The following WWOX variants were observed in gnomAD, a reference collection of about 807,000 sequenced individuals.
WWOX encodes the protein WW domain-containing oxidoreductase.
Under a neutral mutation model 46.2 loss-of-function variants are expected in WWOX, and 69 were observed. The observed-to-expected ratio is 1.49, with a 90% CI of 1.23 to 1.82. WWOX has a LOEUF of 1.82. WWOX is among the 40% of genes most tolerant of loss of function. The pLI, the probability that WWOX is intolerant of heterozygous loss-of-function variation, is 0.00. For missense variants in WWOX, 919 were observed against 542.6 expected (o/e 1.69, Z -6.89); for synonymous variants, 359 against 202.6 (o/e 1.77, Z -6.56).
intron 8 of WWOX, among the ~76,000 whole-genome samples, chr16:78,821,837 A>G (rs1274418556): frequency 6.6e-6 from 1 of 152,154 alleles, no homozygotes; most frequent in African/African-American, 2.4e-5. Context: ...TCTGAGTCCA[A>G]AGCTAACAAT....
At chr16:79,067,319 C>T (rs980621215) in intron 8 of WWOX, among the ~76,000 whole-genome samples, 11 of 152,182 alleles carry the variant, frequency 7.2e-5, no homozygotes, top group Admixed American at 6.5e-4. Context: ...TGACTTGAGT[C>T]CCTGTTCCTC....
At chr16:78,536,475 C>G (rs936119825) in intron 8 of WWOX, among the ~76,000 whole-genome samples, 51 of 152,044 alleles carry the variant, frequency 3.4e-4, no homozygotes, top group African/African-American at 1.2e-3. Context: ...TGGGTTCTCT[C>G]TGCTTTAGGT....
At chr16:78,940,496 T>C (rs1022068882) in intron 8 of WWOX, among the ~76,000 whole-genome samples, 20 of 152,178 alleles carry the variant, frequency 1.3e-4, no homozygotes, top group African/African-American at 4.8e-4. Context: ...TTAGGAGTTC[T>C]TTCGAAGTCA....
chr16:78,615,449 G>C (rs749727070), intron 8 of WWOX, among the ~76,000 whole-genome samples: 19 of 152,152 alleles, frequency 1.2e-4, no homozygotes, highest in Non-Finnish European at 2.6e-4. Context: ...CAGAATTCAA[G>C]ACCAGGCTGG....
intron 8 of WWOX, among the ~76,000 whole-genome samples, chr16:78,812,419 C>A (rs1597654649): frequency 2.0e-5 from 3 of 152,060 alleles, no homozygotes; most frequent in African/African-American, 7.2e-5. Context: ...TTAAAAAAAA[C>A]CCAAAAACAG....
intron 8 of WWOX, among the ~76,000 whole-genome samples, chr16:78,924,540 T>G (rs931232459): frequency 9.9e-5 from 15 of 152,206 alleles, no homozygotes; most frequent in Admixed American, 3.3e-4. Context: ...CAGCCCAGTT[T>G]CCTTATCTGT....
chr16:78,277,950 T>G (rs987086204), intron 5 of WWOX, among the ~76,000 whole-genome samples: 5 of 152,212 alleles, frequency 3.3e-5, no homozygotes, highest in African/African-American at 1.2e-4. Context: ...TGGCCCACCA[T>G]GGGGTTAAAA....
intron 8 of WWOX, among the ~76,000 whole-genome samples, chr16:78,575,426 ACC>A (rs1316355971): frequency 1.3e-5 from 2 of 151,824 alleles, no homozygotes; most frequent in African/African-American, 4.8e-5. Context: ...TCTTACACCT[ACC>A]CATTAGTCTA....
intron 8 of WWOX, among the ~76,000 whole-genome samples, chr16:78,553,973 T>C (rs942280779): frequency 1.2e-4 from 19 of 152,138 alleles, no homozygotes; most frequent in Middle Eastern, 6.8e-3. Context: ...GCTGTGATGC[T>C]CTACTGAGGA....
chr16:78,950,867 T>C (rs1010670882), intron 8 of WWOX, among the ~76,000 whole-genome samples: 2 of 152,184 alleles, frequency 1.3e-5, no homozygotes, highest in African/African-American at 4.8e-5. Context: ...CTTCTTATTA[T>C]AGTGCAAGGT....
intron 8 of WWOX, among the ~76,000 whole-genome samples, chr16:78,671,193 C>T (rs2047454931): frequency 1.3e-5 from 2 of 152,154 alleles, no homozygotes; most frequent in South Asian, 4.1e-4. Context: ...GAGGCTGAGG[C>T]AGGTGGATCA....
chr16:78,435,809 C>G (rs1319449930), intron 8 of WWOX, among the ~76,000 whole-genome samples: 3 of 152,086 alleles, frequency 2.0e-5, no homozygotes, highest in Admixed American at 6.5e-5. Flanking sequence ...GCTTTCTGAG[C>G]CTGTCTCATT....
chr16:78,343,945 A>T (rs147835203), intron 5 of WWOX, among the ~76,000 whole-genome samples: 1 of 120,406 alleles, frequency 8.3e-6, no homozygotes, highest in Admixed American at 8.1e-5. Flanking sequence ...ATGTGGTTGC[A>T]TCATCTTCTT....
intron 8 of WWOX, among the ~76,000 whole-genome samples, chr16:78,586,051 C>G (rs2045196846): frequency 2.0e-5 from 3 of 151,832 alleles, no homozygotes; most frequent in African/African-American, 7.3e-5. Context: ...ACAACAACAA[C>G]AAACAAACAG....
intron 8 of WWOX, among the ~76,000 whole-genome samples, chr16:79,144,418 C>T (rs1567579934): frequency 6.6e-6 from 1 of 152,194 alleles, no homozygotes; most frequent in Non-Finnish European, 1.5e-5. Context: ...TGCTGCTTAT[C>T]TCCTTGTACA....
At chr16:78,862,791 C>T (rs2043919438) in intron 8 of WWOX, among the ~76,000 whole-genome samples, 2 of 152,166 alleles carry the variant, frequency 1.3e-5, no homozygotes, top group East Asian at 3.9e-4. Flanking sequence ...TGAAGCCACC[C>T]ACACTGGGAA....
At chr16:78,868,919 A>T (rs2044065997) in intron 8 of WWOX, among the ~76,000 whole-genome samples, 1 of 151,900 alleles carries the variant, frequency 6.6e-6, no homozygotes, top group African/African-American at 2.4e-5. Flanking sequence ...CCCTTTTTCC[A>T]TTAAAACACA....
At chr16:78,898,471 C>G (rs1184464778) in intron 8 of WWOX, 2 of 152,096 alleles carry the variant, frequency 1.3e-5, no homozygotes, top group African/African-American at 2.4e-5. Flanking sequence ...GGGTGTATTT[C>G]TAGACTGTTG....
chr16:78,975,759 G>T (rs773558469), intron 8 of WWOX, among the ~76,000 whole-genome samples: 1 of 152,178 alleles, frequency 6.6e-6, no homozygotes, highest in Non-Finnish European at 1.5e-5. Flanking sequence ...TGGGCAAGCG[G>T]AGGTCATGAT....
Sources: allele counts gnomAD v4.1 joint callset (sites outside exome capture counted in the v4.1 genomes callset), GRCh38; gene constraint gnomAD v4.1.1; transcripts MANE v1.5; gene names NCBI Gene and HGNC (gene_info 2026-07-23, HGNC 2026-07-21).